The following EXOC6 variants were observed in gnomAD, a reference collection of about 807,000 sequenced individuals.
The protein encoded by EXOC6 is SEC15-like 1.
In EXOC6, 60 loss-of-function variants were observed where a neutral mutation model predicts 112.5. The ratio of observed to expected loss-of-function variants is 0.53; its 90% CI spans 0.43 to 0.66. The LOEUF is 0.66. EXOC6 is among the 30% of genes least tolerant of loss of function. EXOC6 has a pLI of 0.00. For synonymous variants in EXOC6, 295 were observed against 308.0 expected (o/e 0.96, Z 0.44); for missense variants, 855 against 957.1 (o/e 0.89, Z 1.41).
At chr10:92,990,208 T>C (rs553991509) in intron 18 of EXOC6, among the ~76,000 whole-genome samples, 2 of 152,346 alleles carry the variant, frequency 1.3e-5, no homozygotes, top group South Asian at 4.1e-4. Flanking sequence ...TCTTGCTTCT[T>C]AGTTGAAAAT....
At chr10:92,942,489 C>T (rs913137433) in intron 13 of EXOC6, among the ~76,000 whole-genome samples, 4 of 152,104 alleles carry the variant, frequency 2.6e-5, no homozygotes, top group Non-Finnish European at 4.4e-5. Flanking sequence ...TTGGTATTTA[C>T]ATTCTTCAGG....
chr10:93,030,449 G>C (rs904318085), intron 20 of EXOC6, among the ~76,000 whole-genome samples: 1 of 152,210 alleles, frequency 6.6e-6, no homozygotes, highest in East Asian at 1.9e-4. Flanking sequence ...AATTACTAGA[G>C]AATTAATGCT....
chr10:93,022,863 C>T (rs1319534673), intron 20 of EXOC6, among the ~76,000 whole-genome samples: 1 of 151,812 alleles, frequency 6.6e-6, no homozygotes, highest in African/African-American at 2.4e-5. Flanking sequence ...TTTTATGTTC[C>T]TTACTTCATA....
chr10:92,986,227 G>C (rs542468964), intron 18 of EXOC6, among the ~76,000 whole-genome samples: 1 of 152,138 alleles, frequency 6.6e-6, no homozygotes, highest in Non-Finnish European at 1.5e-5. Context: ...TAACTTTGTG[G>C]CCTTTATATC....
In EXOC6 at chr10:92,840,866, C is replaced by A. The variant is rs535704571; in HGVS notation, c.86+6042C>A. Among the ~76,000 whole-genome samples, 13 of 152,064 alleles carry A rather than the reference C, an allele frequency of 8.5e-5. No individual in the cohort carries two copies. In the East Asian group the frequency reaches 1.5e-3, roughly 18 times the overall value. On this transcript the variant is annotated intron_variant, in intron 1 of 21. Coordinates refer to the EXOC6 transcript ENST00000371552. ...AGAGACGAGGTTTCGCCATGTTGTC[C>A]AGGCTGGTCTTGAACTTCTGAACTC...
chr10:92,902,584 A>G (rs980173326), intron 5 of EXOC6, among the ~76,000 whole-genome samples: 12 of 151,830 alleles, frequency 7.9e-5, no homozygotes, highest in Admixed American at 2.0e-4. Flanking sequence ...TTGTAGACTT[A>G]TGACTTGTAC....
At chr10:92,980,946 G>C (rs1325800254) in intron 18 of EXOC6, among the ~76,000 whole-genome samples, 1 of 152,190 alleles carries the variant, frequency 6.6e-6, no homozygotes, top group Non-Finnish European at 1.5e-5. Flanking sequence ...AGAATTGCTT[G>C]AAGCTGGTAG....
intron 21 of EXOC6, 114 bp downstream of exon 21, chr10:93,057,150 G>C: frequency 1.8e-6 from 1 of 560,466 alleles, no homozygotes; most frequent in Non-Finnish European, 3.0e-6. Flanking sequence ...GAGCTTAAAA[G>C]CTCACTCTAG....
chr10:92,963,989 C>T (rs1268947685), intron 17 of EXOC6, among the ~76,000 whole-genome samples: 2 of 150,976 alleles, frequency 1.3e-5, no homozygotes, highest in Non-Finnish European at 2.9e-5. Flanking sequence ...ATCCTAAAGC[C>T]TAATACTCTT....
intron 18 of EXOC6, among the ~76,000 whole-genome samples, chr10:92,975,047 C>A (rs1177238991): frequency 6.6e-6 from 1 of 151,120 alleles, no homozygotes; most frequent in Non-Finnish European, 1.5e-5. Context: ...ACGTGAGGAG[C>A]CCCTCTGCCT....
chr10:92,830,872 C>T (rs956703608), upstream of EXOC6, among the ~76,000 whole-genome samples: 2 of 152,196 alleles, frequency 1.3e-5, no homozygotes, highest in African/African-American at 2.4e-5. Flanking sequence ...CAGTCACACA[C>T]GCCATTCTTT....
chr10:93,001,073 AGC>A (rs2134191585), intron 19 of EXOC6, among the ~76,000 whole-genome samples: 1 of 152,308 alleles, frequency 6.6e-6, no homozygotes. Context: ...TGCATATTAG[AGC>A]AGGGAAAGGA....
chr10:92,945,769 C>G (rs537765554), intron 13 of EXOC6, among the ~76,000 whole-genome samples: 1 of 152,254 alleles, frequency 6.6e-6, no homozygotes, highest in South Asian at 2.1e-4. Context: ...CCCAGGCTGG[C>G]CTCAAGTGTT....
Position 92,952,301 on chromosome 10 carries a change from C to T in EXOC6, c.1445C>T (p.Ser482Phe), listed in dbSNP as rs752268240. The T allele has an allele frequency of 5.6e-6, 9 of 1,610,908 alleles. No homozygotes were observed. Among genetic ancestry groups the T allele is most frequent in the Non-Finnish European group, 7.6e-6 (9 of 1,178,292 alleles). Residue 482 changes from serine (S) to phenylalanine (F), a missense_variant, in exon 15 of 22, where the codon TCT becomes TTT. By Grantham distance (155) the Ser-to-Phe change is radical. Transcript: ENST00000260762. ...KQSFPKKFPMSQSVPHIYIQV... is the reference protein window; with the variant it reads ...KQSFPKKFPMFQSVPHIYIQV... ...TCTTTCCCAAAGAAATTCCCCATGTCTCAGTCAGTGCCTCATATTTACATT... is the reference window on the plus strand; with the variant it reads ...TCTTTCCCAAAGAAATTCCCCATGTTTCAGTCAGTGCCTCATATTTACATT...
chr10:92,834,861 C>G (rs377199979), intron 1 of EXOC6: 8 of 1,326,316 alleles, frequency 6.0e-6, no homozygotes, highest in Non-Finnish European at 8.6e-6. Flanking sequence ...TCTTCTTTAG[C>G]GGTGATAAGG....
chr10:92,980,619 A>G (rs1448684646), intron 18 of EXOC6, among the ~76,000 whole-genome samples: 4 of 152,210 alleles, frequency 2.6e-5, no homozygotes, highest in Admixed American at 1.3e-4. Flanking sequence ...ATTGTAAGGC[A>G]TATTTGAATC....
At chr10:92,896,141 GTATGTGTATATA>G (rs1439591012) in intron 4 of EXOC6, among the ~76,000 whole-genome samples, 1 of 33,668 alleles carries the variant, frequency 3.0e-5, no homozygotes, top group Admixed American at 4.8e-4. Flanking sequence ...GTGTGTGTAT[GTATGTGTATATA>G]TATATATATA....
At chr10:92,849,804 C>T (rs992998329) in intron 1 of EXOC6, among the ~76,000 whole-genome samples, 4 of 152,126 alleles carry the variant, frequency 2.6e-5, no homozygotes, top group African/African-American at 9.7e-5. Flanking sequence ...TATTTAACCT[C>T]TCTGGATCTC....
chr10:92,865,879 T>C (rs777368989), intron 1 of EXOC6, among the ~76,000 whole-genome samples: 70 of 152,120 alleles, frequency 4.6e-4, no homozygotes, highest in Non-Finnish European at 2.2e-4. Flanking sequence ...GAAAATGTTA[T>C]TAAGAAAACC....
Sources: allele counts gnomAD v4.1 joint callset (sites outside exome capture counted in the v4.1 genomes callset), GRCh38; gene constraint gnomAD v4.1.1; transcripts MANE v1.5; gene names NCBI Gene and HGNC (gene_info 2026-07-23, HGNC 2026-07-21).